ZNG1F: variants seen among roughly 807,000 people sequenced by gnomAD.
The protein encoded by ZNG1F is Zn regulated GTPase metalloprotein activator 1F, also known as zinc-regulated GTPase metalloprotein activator 1F.
At chr9:41,193,023 T>C in the ZNG1F span, among the ~76,000 whole-genome samples, 1 of 151,332 alleles carries the variant, frequency 6.6e-6, no homozygotes, top group Admixed American at 6.6e-5. Context: ...GTTAAGCACA[T>C]TAAATGCATT....
chr9:41,154,610 C>A, the ZNG1F span, among the ~76,000 whole-genome samples: 1 of 145,714 alleles, frequency 6.9e-6, no homozygotes, highest in African/African-American at 2.6e-5. Flanking sequence ...AACTATACTA[C>A]AAGGCTACAG....
the ZNG1F span, chr9:41,145,857 A>G: frequency 0.012 from 1,372 of 111,934 alleles, 34 homozygotes; most frequent in African/African-American, 0.044. Flanking sequence ...CAATTGAGAG[A>G]AAAAGAAAGT....
At chr9:41,172,031 T>C in the ZNG1F span, 3 of 111,284 alleles carry the variant, frequency 2.7e-5, no homozygotes, top group South Asian at 1.3e-4. Context: ...TTTAAATGCA[T>C]TCTAGGACCT....
the ZNG1F span, among the ~76,000 whole-genome samples, chr9:41,154,772 A>G: frequency 2.0e-5 from 3 of 150,338 alleles, no homozygotes; most frequent in African/African-American, 4.9e-5. Flanking sequence ...CCTATTTAAT[A>G]AATGGTGCTG....
chr9:41,183,952 T>C, the ZNG1F span, among the ~76,000 whole-genome samples: 2 of 148,558 alleles, frequency 1.3e-5, no homozygotes. Context: ...CATTTCTTAA[T>C]GAAGGCATTT....
At chr9:41,185,531 G>A in the ZNG1F span, among the ~76,000 whole-genome samples, 1 of 144,272 alleles carries the variant, frequency 6.9e-6, no homozygotes, top group Non-Finnish European at 1.5e-5. Context: ...AAATTATCTG[G>A]GCATGGTGGC....
At chr9:41,173,908 C>T in the ZNG1F span, among the ~76,000 whole-genome samples, 729 of 126,100 alleles carry the variant, frequency 5.8e-3, no homozygotes, top group African/African-American at 0.017. Context: ...ACAATAAGCT[C>T]AACCATAAAG....
At chr9:41,133,837 T>G in the ZNG1F span, 1 of 1,379,342 alleles carries the variant, frequency 7.2e-7, no homozygotes, top group South Asian at 1.4e-5. Flanking sequence ...TTCATGGAAT[T>G]TTACATTGCT....
the ZNG1F span, among the ~76,000 whole-genome samples, chr9:41,185,115 A>G: frequency 7.0e-6 from 1 of 143,866 alleles, no homozygotes; most frequent in Non-Finnish European, 1.5e-5. Context: ...AACTCCTATA[A>G]AGATAACAGA....
chr9:41,131,947 C>T, the ZNG1F span: 1 of 441,538 alleles, frequency 2.3e-6, no homozygotes, highest in Non-Finnish European at 4.0e-6. Context: ...TAAAAATTTA[C>T]AAAAAGAATA....
At chr9:41,183,193 G>GT in the ZNG1F span, among the ~76,000 whole-genome samples, 2 of 128,118 alleles carry the variant, frequency 1.6e-5, no homozygotes, top group East Asian at 4.8e-4. Context: ...AGAACATAAT[G>GT]TAAGGTTTTT....
chr9:41,157,834 CTA>C, the ZNG1F span: 1 of 147,540 alleles, frequency 6.8e-6, no homozygotes, highest in Non-Finnish European at 1.5e-5. Flanking sequence ...CTCCAAAGTT[CTA>C]TGTTAGTAGA....
At chr9:41,132,599 T>C in the ZNG1F span, 5 of 1,283,790 alleles carry the variant, frequency 3.9e-6, no homozygotes, top group Non-Finnish European at 5.0e-6. Context: ...TTTCTAATGA[T>C]AAAGTTAATA....
At chr9:41,165,074 C>T in the ZNG1F span, 5 of 1,578,606 alleles carry the variant, frequency 3.2e-6, no homozygotes, top group Non-Finnish European at 4.3e-6. Context: ...ATGATATCTG[C>T]CAAAGCAACT....
chr9:41,141,946 T>C, the ZNG1F span, among the ~76,000 whole-genome samples: 1 of 137,774 alleles, frequency 7.3e-6, no homozygotes, highest in Non-Finnish European at 1.6e-5. Context: ...CTTCTTTTCT[T>C]TCTGATCCAT....
the ZNG1F span, among the ~76,000 whole-genome samples, chr9:41,156,152 C>T: frequency 7.6e-6 from 1 of 132,088 alleles, no homozygotes. Flanking sequence ...TAACGATTAG[C>T]CTCTAAAATT....
At chr9:41,173,957 C>T in the ZNG1F span, among the ~76,000 whole-genome samples, 1 of 148,946 alleles carries the variant, frequency 6.7e-6, no homozygotes, top group African/African-American at 2.5e-5. Context: ...TGTGGTGGCT[C>T]ACGCCTGTAA....
chr9:41,132,345 T>A, the ZNG1F span: 1 of 1,604,338 alleles, frequency 6.2e-7, no homozygotes, highest in Non-Finnish European at 8.5e-7. Flanking sequence ...TTGTCTTTGA[T>A]TGACACCAAT....
At chr9:41,155,980 TAATA>T in the ZNG1F span, among the ~76,000 whole-genome samples, 4 of 128,396 alleles carry the variant, frequency 3.1e-5, no homozygotes, top group Admixed American at 2.6e-4. Flanking sequence ...ACTTAAATAA[TAATA>T]AATAAATAAA....
Sources: gnomAD v4.1 joint callset for allele counts (sites outside exome capture counted in the v4.1 genomes callset) on GRCh38, gnomAD v4.1.1 for gene constraint, MANE v1.5 for transcripts, NCBI Gene and HGNC (gene_info 2026-07-23, HGNC 2026-07-21) for gene names.